RNF220: variants seen among roughly 807,000 people sequenced by gnomAD.
RNF220 encodes the protein ring finger protein 220, also known as E3 ubiquitin-protein ligase RNF220.
RNF220 carries 7 observed loss-of-function variants against 67.1 expected under a neutral mutation model. That is an observed-to-expected ratio of 0.10 (90% CI 0.06 to 0.20). The LOEUF is 0.20. Ranked by LOEUF, RNF220 falls within the 10% of genes least tolerant of loss-of-function variation. RNF220 has a pLI of 1.00. For synonymous variants in RNF220, 270 were observed against 283.2 expected, an observed-to-expected ratio of 0.95 and a Z score of 0.47; for missense variants, 565 against 740.3, an observed-to-expected ratio of 0.76 and a Z score of 2.75.
At chr1:44,636,243 C>A in intron 8 of RNF220, 81 bp downstream of exon 8, 1 of 1,548,632 alleles carries the variant, frequency 6.5e-7, no homozygotes, top group Non-Finnish European at 8.8e-7. Flanking sequence ...GCCAAGAGGC[C>A]GAGGCTGGTG....
At chr1:44,571,296 T>A (rs1214437976) in intron 2 of RNF220, among the ~76,000 whole-genome samples, 1 of 152,192 alleles carries the variant, frequency 6.6e-6, no homozygotes, top group Admixed American at 6.5e-5. Flanking sequence ...ACTTATTTCC[T>A]CTACCTGAAA....
intron 2 of RNF220, among the ~76,000 whole-genome samples, chr1:44,453,491 G>T (rs972291933): frequency 1.3e-5 from 2 of 151,698 alleles, no homozygotes; most frequent in African/African-American, 4.8e-5. Context: ...TTGTTTTCCT[G>T]CTTGCCTCTT....
intron 12 of RNF220, among the ~76,000 whole-genome samples, chr1:44,647,281 A>G (rs1006929336): frequency 2.0e-5 from 3 of 152,220 alleles, no homozygotes; most frequent in Admixed American, 6.5e-5. Flanking sequence ...ATATAGGACT[A>G]GGCAAATTCT....
At chr1:44,497,970 C>T (rs1293550455) in intron 2 of RNF220, among the ~76,000 whole-genome samples, 3 of 152,320 alleles carry the variant, frequency 2.0e-5, no homozygotes, top group Non-Finnish European at 2.9e-5. Flanking sequence ...TGTGCTTCCA[C>T]GTTAAGCAAA....
At chr1:44,632,267 G>C (rs1263687366) in intron 5 of RNF220, 76 bp from the exon 6 acceptor site, 3 of 1,613,672 alleles carry the variant, frequency 1.9e-6, no homozygotes, top group Admixed American at 3.3e-5. Context: ...TCCGGTGCTG[G>C]GGCGGGGGCC....
chr1:44,587,944 G>A (rs947839637), intron 2 of RNF220, among the ~76,000 whole-genome samples: 1 of 152,160 alleles, frequency 6.6e-6, no homozygotes, highest in Non-Finnish European at 1.5e-5. Context: ...GTGTGTGCAA[G>A]GGAGAGTTAT....
intron 2 of RNF220, among the ~76,000 whole-genome samples, chr1:44,523,895 A>T (rs1660142275): frequency 6.6e-6 from 1 of 152,198 alleles, no homozygotes; most frequent in African/African-American, 2.4e-5. Context: ...GACCTCTGGC[A>T]TGGGGTATTT....
rs1644722793 is a variant in RNF220, at chr1:44,649,085, G to A, written c.1446-576G>A. 1 of 162,768 alleles carries A rather than the reference G, an allele frequency of 6.1e-6. No homozygotes were observed. The highest frequency in any genetic ancestry group is 1.3e-5 in the Non-Finnish European group (1 of 74,148). 10.1% of individuals were successfully genotyped at this position (162,768 alleles called of 1,614,324 possible). A position where few individuals can be genotyped will look rare whatever the true frequency, so the allele number is the denominator to read the frequency against. On this transcript the variant is annotated intron_variant, in intron 12 of 14. Transcript: ENST00000361799. This position sits in a 1 kb window ranked among gnomAD's most constrained non-coding sequence, Gnocchi z 5.9. ...AGGTGGCGTGGATGGTGACACATAGGAGTCGAGCATAAAATGCGTGGCAAG... is the reference window on the plus strand; with the variant it reads ...AGGTGGCGTGGATGGTGACACATAGAAGTCGAGCATAAAATGCGTGGCAAG...
chr1:44,544,064 C>T (rs1468784373), intron 2 of RNF220, among the ~76,000 whole-genome samples: 2 of 152,236 alleles, frequency 1.3e-5, no homozygotes, highest in African/African-American at 4.8e-5. Context: ...TCTCCCCTGA[C>T]CCTGTCCCAT....
intron 2 of RNF220, among the ~76,000 whole-genome samples, chr1:44,612,724 A>G (rs1244201722): frequency 1.3e-5 from 2 of 152,048 alleles, no homozygotes; most frequent in South Asian, 2.1e-4. Context: ...AACTTTTAGT[A>G]TAAGTATGTC....
chr1:44,547,380 T>A (rs970470603), intron 2 of RNF220, among the ~76,000 whole-genome samples: 2 of 152,214 alleles, frequency 1.3e-5, no homozygotes, highest in African/African-American at 4.8e-5. Context: ...CTAAAGATTG[T>A]TCATCCACAT....
chr1:44,476,888 C>T (rs2148009451), intron 2 of RNF220, among the ~76,000 whole-genome samples: 1 of 152,242 alleles, frequency 6.6e-6, no homozygotes, highest in East Asian at 1.9e-4. Flanking sequence ...ATGGCCTGAG[C>T]TGCATCTTTG....
At chr1:44,593,918 C>G (rs1666286072) in intron 2 of RNF220, among the ~76,000 whole-genome samples, 1 of 151,700 alleles carries the variant, frequency 6.6e-6, no homozygotes, top group Non-Finnish European at 1.5e-5. Context: ...AACCCTGACT[C>G]TACTAAAAAT....
intron 12 of RNF220, among the ~76,000 whole-genome samples, chr1:44,647,924 C>G (rs1041473327): frequency 3.5e-4 from 53 of 152,198 alleles, no homozygotes; most frequent in Middle Eastern, 3.2e-3. Context: ...TTCGTACCCC[C>G]ACTCTTCCAG....
intron 2 of RNF220, among the ~76,000 whole-genome samples, chr1:44,453,888 A>G (rs1652922286): frequency 6.6e-6 from 1 of 152,214 alleles, no homozygotes; most frequent in Non-Finnish European, 1.5e-5. Flanking sequence ...TTACCTATCA[A>G]TGTTAGAAAT....
intron 2 of RNF220, among the ~76,000 whole-genome samples, chr1:44,483,604 C>G (rs192772796): frequency 1.3e-5 from 2 of 151,966 alleles, no homozygotes; most frequent in East Asian, 3.9e-4. Flanking sequence ...CCTTGAAGAA[C>G]TCCTGAGCTA....
intron 2 of RNF220, among the ~76,000 whole-genome samples, chr1:44,429,231 A>C (rs1300222356): frequency 1.3e-5 from 2 of 152,174 alleles, no homozygotes; most frequent in African/African-American, 4.8e-5. Flanking sequence ...AAAGAGAGGA[A>C]TCCTATCCAG....
chr1:44,650,545 G>C lies in RNF220; in HGVS notation c.1630-159G>C. ...GTCCCCCCAACACAGGAGCGTGCCT[G>C]CCTGCTCACAGAAGCTGCCTATGCG... On this transcript the variant is annotated intron_variant, in intron 14 of 14. Transcript: ENST00000361799. The surrounding 1 kb of genome is among the most constrained non-coding windows in gnomAD (Gnocchi z 4.3). 7.1e-6 allele frequency: 5 copies of C among 705,824 alleles called. No individual in the cohort carries two copies. The highest frequency in any genetic ancestry group is 6.7e-5 in the South Asian group (4 of 59,292). 43.7% of individuals were successfully genotyped at this position (705,824 alleles called of 1,614,324 possible). A position where few individuals can be genotyped will look rare whatever the true frequency, so the allele number is the denominator to read the frequency against.
At chr1:44,578,517 G>A (rs1664994862) in intron 2 of RNF220, among the ~76,000 whole-genome samples, 1 of 152,186 alleles carries the variant, frequency 6.6e-6, no homozygotes, top group Admixed American at 6.5e-5. Flanking sequence ...TTATTTGATA[G>A]TAAATTTAGA....
Sources: allele counts gnomAD v4.1 joint callset (sites outside exome capture counted in the v4.1 genomes callset), GRCh38; gene constraint gnomAD v4.1.1; non-coding constraint Gnocchi (gnomAD v3.1); transcripts MANE v1.5; gene names NCBI Gene and HGNC (gene_info 2026-07-23, HGNC 2026-07-21).